The following ZNF704 variants were observed in gnomAD, a reference collection of about 807,000 sequenced individuals.
ZNF704 encodes glucocorticoid induced gene 1.
A neutral mutation model predicts 44.7 loss-of-function variants in ZNF704; 10 were observed. The observed-to-expected ratio is 0.22, with a 90% CI of 0.14 to 0.38. The LOEUF (loss-of-function observed/expected upper bound fraction) is 0.38, where lower values mean the gene tolerates loss of function less well. Among genes scored for constraint, ZNF704 ranks in the 10% least tolerant of loss-of-function variants. The pLI, the probability that ZNF704 is intolerant of heterozygous loss-of-function variation, is 1.00. For missense variants in ZNF704, 390 were observed against 545.5 expected (o/e 0.71, Z 2.84); for synonymous variants, 211 against 207.6 (o/e 1.02, Z -0.14).
At chr8:80,862,704 G>A (rs938881771) in intron 1 of ZNF704, among the ~76,000 whole-genome samples, 2 of 144,784 alleles carry the variant, frequency 1.4e-5, no homozygotes, top group Non-Finnish European at 3.0e-5. Context: ...GGCGGAGGTT[G>A]CAGTGAGCCG....
At chr8:80,693,213 G>T in intron 2 of ZNF704, 106 bp from the exon 3 acceptor site, 1 of 893,584 alleles carries the variant, frequency 1.1e-6, no homozygotes, top group Non-Finnish European at 1.8e-6. Context: ...TTATCCCCAT[G>T]AACAACCGAT....
chr8:80,701,394 G>A (rs1271681294), intron 2 of ZNF704, among the ~76,000 whole-genome samples: 1 of 151,706 alleles, frequency 6.6e-6, no homozygotes, highest in Admixed American at 6.6e-5. Context: ...CTAGATTATA[G>A]AGAGAATTGA....
intron 2 of ZNF704, among the ~76,000 whole-genome samples, chr8:80,760,915 GA>G (rs1056568791): frequency 6.6e-6 from 1 of 151,284 alleles, no homozygotes; most frequent in African/African-American, 2.5e-5. Context: ...CAAATCACCA[GA>G]TCTCACAAGA....
At chr8:80,796,299 C>T (rs1038607053) in intron 2 of ZNF704, among the ~76,000 whole-genome samples, 2 of 152,132 alleles carry the variant, frequency 1.3e-5, no homozygotes, top group Non-Finnish European at 2.9e-5. Flanking sequence ...AAGCTCAGGT[C>T]TCTCTTCCTC....
At chr8:80,783,558 T>C (rs772528319) in intron 2 of ZNF704, among the ~76,000 whole-genome samples, 4 of 152,190 alleles carry the variant, frequency 2.6e-5, no homozygotes, top group Admixed American at 1.3e-4. Context: ...GGGGACATCA[T>C]AGATTTCTTA....
chr8:80,772,026 T>A (rs1316241822), intron 2 of ZNF704, among the ~76,000 whole-genome samples: 1 of 152,212 alleles, frequency 6.6e-6, no homozygotes, highest in Non-Finnish European at 1.5e-5. Flanking sequence ...TGATTTTTGC[T>A]ACAATGATTG....
intron 1 of ZNF704, among the ~76,000 whole-genome samples, chr8:80,865,558 T>C (rs746073803): frequency 3.9e-5 from 6 of 152,266 alleles, no homozygotes; most frequent in Non-Finnish European, 5.9e-5. Context: ...TTTCAGGGTA[T>C]ACAACCTTTT....
Position 80,631,058 on chromosome 8 carries a change from G to A in ZNF704, c.*10308C>T, listed in dbSNP as rs1817575968. On this transcript the variant is annotated 3_prime_UTR_variant, in exon 9 of 9. Coordinates refer to ENST00000327835, the MANE Select transcript of ZNF704 (RefSeq NM_001033723.3). ...CCAAGGAGGTTCCCCGAACAGTCAG[G>A]AGACTGTGAAAGGAGGGGCTTTGCT... is the stretch of plus-strand genomic sequence containing the variant. 1.3e-5 allele frequency: 2 copies of A among 152,150 alleles called. No individual in the cohort carries two copies. Among genetic ancestry groups the A allele is most frequent in the South Asian group, 4.2e-4 (2 of 4,818 alleles). 9.4% of individuals were successfully genotyped at this position (152,150 alleles called of 1,614,324 possible).
At chr8:80,727,568 C>T (rs1246807167) in intron 2 of ZNF704, among the ~76,000 whole-genome samples, 1 of 151,906 alleles carries the variant, frequency 6.6e-6, no homozygotes, top group African/African-American at 2.4e-5. Context: ...TGCAGTGGCT[C>T]TTGTTTGGCG....
At chr8:80,818,907 C>G (rs1232900707) in intron 2 of ZNF704, among the ~76,000 whole-genome samples, 2 of 152,106 alleles carry the variant, frequency 1.3e-5, no homozygotes, top group Admixed American at 1.3e-4. Flanking sequence ...ATTTATTAAA[C>G]TTGGTAGCAG....
chr8:80,686,233 T>C (rs959860935), intron 4 of ZNF704, among the ~76,000 whole-genome samples: 5 of 152,202 alleles, frequency 3.3e-5, no homozygotes, highest in Non-Finnish European at 7.3e-5. Context: ...GCCAGTTAAA[T>C]GTACAATCAA....
intron 2 of ZNF704, among the ~76,000 whole-genome samples, chr8:80,792,205 CAG>C (rs1807720704): frequency 6.6e-6 from 1 of 151,976 alleles, no homozygotes; most frequent in Non-Finnish European, 1.5e-5. Context: ...AGATTTTAAA[CAG>C]AGAAAGAGAA....
At chr8:80,677,800 T>C (rs1818394053) in intron 4 of ZNF704, among the ~76,000 whole-genome samples, 1 of 152,198 alleles carries the variant, frequency 6.6e-6, no homozygotes, top group East Asian at 1.9e-4. Context: ...ATGAGCCACA[T>C]TTGGGATATC....
chr8:80,853,230 G>A (rs1000152182), intron 1 of ZNF704, among the ~76,000 whole-genome samples: 1 of 152,174 alleles, frequency 6.6e-6, no homozygotes. Flanking sequence ...GCCAGGCATG[G>A]TGGTGTGTTC....
intron 1 of ZNF704, among the ~76,000 whole-genome samples, chr8:80,826,019 A>G (rs1808365278): frequency 6.6e-6 from 1 of 152,216 alleles, no homozygotes; most frequent in Non-Finnish European, 1.5e-5. Flanking sequence ...TAAAAGAACT[A>G]GAGAAGCAAG....
chr8:80,668,230 C>T (rs939493882), intron 5 of ZNF704, among the ~76,000 whole-genome samples: 2 of 152,190 alleles, frequency 1.3e-5, no homozygotes, highest in African/African-American at 4.8e-5. Context: ...CACGGGTGTC[C>T]CCTCACTGCA....
chr8:80,776,365 C>T (rs1193784529), intron 2 of ZNF704, among the ~76,000 whole-genome samples: 1 of 152,178 alleles, frequency 6.6e-6, no homozygotes, highest in African/African-American at 2.4e-5. Context: ...TGCACCCTCT[C>T]CAGCAAGTTA....
intron 2 of ZNF704, among the ~76,000 whole-genome samples, chr8:80,694,660 C>G (rs567775335): frequency 1.3e-5 from 2 of 152,130 alleles, no homozygotes; most frequent in African/African-American, 4.8e-5. Context: ...GAGAAAAAAA[C>G]AAATGGTTCC....
upstream of ZNF704, among the ~76,000 whole-genome samples, chr8:80,878,278 AAG>A: frequency 6.6e-6 from 1 of 150,976 alleles, no homozygotes; most frequent in Non-Finnish European, 1.5e-5. Flanking sequence ...GGAAGGAAGG[AAG>A]GAAGGAAGGA....
Sources: gnomAD v4.1 joint callset for allele counts (sites outside exome capture counted in the v4.1 genomes callset) on GRCh38, gnomAD v4.1.1 for gene constraint, MANE v1.5 for transcripts, NCBI Gene and HGNC (gene_info 2026-07-23, HGNC 2026-07-21) for gene names.